Variants in LIN7A observed in about 807,000 individuals in gnomAD.
LIN7A encodes the protein lin-7 cell polarity scaffold A, also known as protein lin-7 homolog A.
Under a neutral mutation model 29.8 loss-of-function variants are expected in LIN7A, and 25 were observed. The ratio of observed to expected loss-of-function variants is 0.84; its 90% CI spans 0.61 to 1.17. The LOEUF is 1.17. LIN7A is among the 50% of genes most tolerant of loss of function. The probability of loss-of-function intolerance (pLI) is 0.00; values close to 1 mark genes in which losing one functional copy is unlikely to be tolerated. For missense variants in LIN7A, 239 were observed against 287.0 expected, an observed-to-expected ratio of 0.83 and a Z score of 1.21; for synonymous variants, 118 against 107.5, an observed-to-expected ratio of 1.10 and a Z score of -0.60.
chr12:80,857,076 A>G (rs1270213274), intron 2 of LIN7A, among the ~76,000 whole-genome samples: 8 of 152,168 alleles, frequency 5.3e-5, no homozygotes, highest in Non-Finnish European at 1.0e-4. Flanking sequence ...AGTGTCTCTC[A>G]AAGGTTGGCT....
intron 4 of LIN7A, among the ~76,000 whole-genome samples, chr12:80,820,716 T>G (rs1480385528): frequency 6.6e-6 from 1 of 151,846 alleles, no homozygotes; most frequent in Non-Finnish European, 1.5e-5. Context: ...CAAAGCTGCC[T>G]GGGAAAATAT....
intron 2 of LIN7A, among the ~76,000 whole-genome samples, chr12:80,850,812 A>G (rs1430997869): frequency 1.3e-5 from 2 of 152,198 alleles, no homozygotes; most frequent in African/African-American, 2.4e-5. Flanking sequence ...CTTGTAAAAC[A>G]TTCAATAAAT....
At chr12:80,914,015 T>C (rs1308379977) in intron 1 of LIN7A, among the ~76,000 whole-genome samples, 1 of 152,236 alleles carries the variant, frequency 6.6e-6, no homozygotes, top group African/African-American at 2.4e-5. Flanking sequence ...AGTGCTGAGC[T>C]AAACTCATCA....
intron 4 of LIN7A, among the ~76,000 whole-genome samples, chr12:80,828,055 G>T (rs2121525920): frequency 6.6e-6 from 1 of 152,016 alleles, no homozygotes; most frequent in Middle Eastern, 3.4e-3. Context: ...TCTAAAATGA[G>T]ATCAAAATCA....
intron 2 of LIN7A, among the ~76,000 whole-genome samples, chr12:80,880,928 C>G (rs922120057): frequency 6.6e-6 from 1 of 152,096 alleles, no homozygotes; most frequent in Non-Finnish European, 1.5e-5. Context: ...GAAATATTGG[C>G]AAAATACCAG....
intron 2 of LIN7A, among the ~76,000 whole-genome samples, chr12:80,854,319 A>G (rs963218761): frequency 6.6e-6 from 1 of 151,990 alleles, no homozygotes; most frequent in Non-Finnish European, 1.5e-5. Context: ...TCACATCTGT[A>G]ATCTCAGCAC....
chr12:80,811,034 A>C (rs893680463), intron 5 of LIN7A, among the ~76,000 whole-genome samples: 11 of 152,176 alleles, frequency 7.2e-5, no homozygotes, highest in African/African-American at 2.4e-4. Flanking sequence ...CAGGGTCAGC[A>C]CTATAAGGTT....
chr12:80,905,196 T>G (rs940211326), intron 1 of LIN7A, among the ~76,000 whole-genome samples: 1 of 152,038 alleles, frequency 6.6e-6, no homozygotes, highest in East Asian at 1.9e-4. Flanking sequence ...AAGGATTTTT[T>G]TTTTTTCTTT....
In LIN7A at chr12:80,797,296, T is replaced by C. The variant is rs1354035896; in HGVS notation, c.*431A>G. On this transcript the variant is annotated 3_prime_UTR_variant, in exon 6 of 6. Coordinates refer to ENST00000552864, the MANE Select transcript of LIN7A (RefSeq NM_004664.4). ...TGGAGCAGGTGAGGGTAAGGAGCAA[T>C]GTGTAGGTTTCACTTTGAACTGATG... 1.3e-5 allele frequency: 2 copies of C among 152,428 alleles called. No individual in the cohort carries two copies. The highest frequency in any genetic ancestry group is 3.8e-4 in the East Asian group (2 of 5,198). The allele number at this position is 152,428 out of a possible 1,614,324, so 9.4% of individuals were successfully genotyped here.
chr12:80,859,008 T>A (rs1221828368), intron 2 of LIN7A, among the ~76,000 whole-genome samples: 2 of 152,226 alleles, frequency 1.3e-5, no homozygotes, highest in African/African-American at 4.8e-5. Context: ...CCAACCTGAT[T>A]ATTCAGTTGA....
At chr12:80,807,218 C>G (rs1871085557) in intron 5 of LIN7A, among the ~76,000 whole-genome samples, 1 of 151,488 alleles carries the variant, frequency 6.6e-6, no homozygotes, top group Admixed American at 6.6e-5. Flanking sequence ...ACTACAGGCG[C>G]CCGCCACCAC....
intron 4 of LIN7A, among the ~76,000 whole-genome samples, chr12:80,816,824 A>G (rs1477285684): frequency 6.6e-6 from 1 of 152,204 alleles, no homozygotes; most frequent in African/African-American, 2.4e-5. Context: ...GCAGGAGTGC[A>G]ATGGCACGAT....
At chr12:80,838,088 T>A (rs938191673) in intron 4 of LIN7A, among the ~76,000 whole-genome samples, 13 of 152,148 alleles carry the variant, frequency 8.5e-5, no homozygotes, top group African/African-American at 3.1e-4. Context: ...AACTGAATAG[T>A]CAAATACCCA....
chr12:80,914,438 A>G (rs1475268882), intron 1 of LIN7A, among the ~76,000 whole-genome samples: 5 of 152,194 alleles, frequency 3.3e-5, no homozygotes, highest in African/African-American at 1.2e-4. Context: ...AATCTTCCCC[A>G]TACATTCAAT....
intron 5 of LIN7A, among the ~76,000 whole-genome samples, chr12:80,799,268 T>A (rs1870603938): frequency 6.6e-6 from 1 of 152,088 alleles, no homozygotes; most frequent in African/African-American, 2.4e-5. Context: ...TTTAACTGAT[T>A]AACAATTTAT....
chr12:80,904,635 A>T (rs781625907), intron 1 of LIN7A, among the ~76,000 whole-genome samples: 18 of 152,186 alleles, frequency 1.2e-4, no homozygotes, highest in Non-Finnish European at 2.5e-4. Context: ...AGACTGAATG[A>T]TACATGAAAA....
intron 1 of LIN7A, among the ~76,000 whole-genome samples, chr12:80,914,332 T>C (rs1876922018): frequency 6.6e-6 from 1 of 152,222 alleles, no homozygotes; most frequent in Admixed American, 6.5e-5. Context: ...TAACCCAGTG[T>C]TTGGGAAACC....
intron 4 of LIN7A, among the ~76,000 whole-genome samples, chr12:80,825,753 G>C (rs1389384282): frequency 1.3e-5 from 2 of 149,716 alleles, no homozygotes; most frequent in Admixed American, 6.6e-5. Context: ...TTTTTTTTCT[G>C]TAAGTATCTT....
chr12:80,873,545 G>GA (rs10718582), intron 2 of LIN7A, among the ~76,000 whole-genome samples: 14 of 143,194 alleles, frequency 9.8e-5, no homozygotes, highest in Non-Finnish European at 1.4e-4. Context: ...AAAAAAAAAA[G>GA]AAAAAAAAAA....
Sources: allele counts gnomAD v4.1 joint callset (sites outside exome capture counted in the v4.1 genomes callset), GRCh38; gene constraint gnomAD v4.1.1; transcripts MANE v1.5; gene names NCBI Gene and HGNC (gene_info 2026-07-23, HGNC 2026-07-21).